The following MSANTD1 variants were observed in gnomAD, a reference collection of about 807,000 sequenced individuals.
MSANTD1 encodes Myb/SANT DNA binding domain containing 1.
Under a neutral mutation model 24.2 loss-of-function variants are expected in MSANTD1, and 7 were observed. The ratio of observed to expected loss-of-function variants is 0.29; its 90% CI spans 0.16 to 0.54. The LOEUF is 0.54. Ranked by LOEUF, MSANTD1 falls within the 20% of genes least tolerant of loss-of-function variation. MSANTD1 has a pLI of 0.94. For missense variants in MSANTD1, 384 were observed against 408.2 expected (o/e 0.94, Z 0.51); for synonymous variants, 177 against 181.1 (o/e 0.98, Z 0.18).
chr4:3,249,492 G>A lies in MSANTD1; in HGVS notation c.270G>A (p.Arg90=). The A allele has an allele frequency of 6.2e-7, 1 of 1,612,074 alleles. No individual in the cohort carries two copies. Among genetic ancestry groups the A allele is most frequent in the Non-Finnish European group, 8.5e-7 (1 of 1,179,678 alleles). The part of the protein sequence containing the change: ...SKLFEMTGER[R]LGEEIKIKIT... ...TCTTCGAGATGACCGGCGAGCGCAGGCTGGGCGAGGAGATCAAGATCAAGA... is the reference window on the plus strand; with the variant it reads ...TCTTCGAGATGACCGGCGAGCGCAGACTGGGCGAGGAGATCAAGATCAAGA... The change falls in exon 1 of 3, where the codon AGG becomes AGA. Residue 90 remains arginine (R), a synonymous_variant. Coordinates refer to ENST00000438480, the MANE Select transcript of MSANTD1 (RefSeq NM_001042690.2).
chr4:3,256,077 C>A lies in MSANTD1; in HGVS notation c.*112C>A. The stretch of plus-strand genomic sequence containing the variant: ...AGGGGGCCGCCCCGCGAGCGGAGAC[C>A]GCCTTCCACCTGGCCTCTGGCAGGA... On this transcript the variant is annotated 3_prime_UTR_variant, in exon 3 of 3. Coordinates refer to ENST00000438480, the MANE Select transcript of MSANTD1 (RefSeq NM_001042690.2). The A allele has an allele frequency of 1.5e-6, 2 of 1,296,126 alleles. No individual in the cohort carries two copies. The highest frequency in any genetic ancestry group is 1.0e-6 in the Non-Finnish European group (1 of 994,054). The allele number at this position is 1,296,126 out of a possible 1,614,324, so 80.3% of individuals were successfully genotyped here.
rs566310367 is a variant in MSANTD1, at chr4:3,251,413, G to A, written c.321-1794G>A. 5.9e-5 allele frequency among the ~76,000 whole-genome samples: 9 copies of A among 152,338 alleles called. No individual in the cohort carries two copies. The East Asian group carries it at 1.5e-3, about 26-fold the overall frequency. ...GAGATGAGGGTGCAGCAGAGTGGGG[G>A]CCTCCACTCCAGACCCTGCAGTCTG... On this transcript the variant is annotated intron_variant, in intron 1 of 2. Coordinates refer to ENST00000438480, the MANE Select transcript of MSANTD1 (RefSeq NM_001042690.2).
intron 1 of MSANTD1, among the ~76,000 whole-genome samples, chr4:3,250,238 T>C (rs953824520): frequency 2.6e-5 from 4 of 152,074 alleles, no homozygotes; most frequent in Admixed American, 6.5e-5. Flanking sequence ...ACTCCCAGCG[T>C]GGGGGCTCCC....
chr4:3,252,123 G>A (rs80313008), intron 1 of MSANTD1, among the ~76,000 whole-genome samples: 342 of 152,358 alleles, frequency 2.2e-3, no homozygotes, highest in Middle Eastern at 6.8e-3. Flanking sequence ...TTTGGAGCCC[G>A]GCCTTGGGGC....
upstream of MSANTD1, chr4:3,246,656 T>C (rs1175131275): frequency 2.4e-5 from 17 of 697,796 alleles, no homozygotes; most frequent in Non-Finnish European, 3.7e-5. Flanking sequence ...CAGCAGGCCA[T>C]GCAGCTTTGC....
At chr4:3,255,372 C>T (rs1275926750) in intron 2 of MSANTD1, among the ~76,000 whole-genome samples, 28 of 152,008 alleles carry the variant, frequency 1.8e-4, no homozygotes, top group African/African-American at 4.8e-5. Context: ...TACAGGCACC[C>T]GCCACAACGC....
chr4:3,255,526 C>T (rs1722358164), intron 2 of MSANTD1, among the ~76,000 whole-genome samples, 199 bp from the exon 3 acceptor site: 1 of 152,188 alleles, frequency 6.6e-6, no homozygotes, highest in Non-Finnish European at 1.5e-5. Context: ...ACCCGGCCAC[C>T]CCTGTTACTT....
intron 2 of MSANTD1, 63 bp from the exon 3 acceptor site, chr4:3,255,662 T>C (rs1722361907): frequency 6.9e-7 from 1 of 1,449,222 alleles, no homozygotes; most frequent in African/African-American, 1.4e-5. Context: ...GAGGGTCCGG[T>C]GAGGCCCCTG....
At chr4:3,254,274 C>T (rs1722319137) in intron 2 of MSANTD1, among the ~76,000 whole-genome samples, 1 of 152,252 alleles carries the variant, frequency 6.6e-6, no homozygotes. Context: ...AGAAAAGTAT[C>T]TTTAGTAGAG....
chr4:3,253,638 C>T (rs1722300700), intron 2 of MSANTD1, among the ~76,000 whole-genome samples, 156 bp downstream of exon 2: 1 of 152,238 alleles, frequency 6.6e-6, no homozygotes, highest in Admixed American at 6.5e-5. Flanking sequence ...GGCCTCAGAC[C>T]AGGGAGGGCT....
upstream of MSANTD1, chr4:3,246,705 G>A (rs943748249): frequency 4.3e-6 from 3 of 690,846 alleles, no homozygotes; most frequent in Admixed American, 2.1e-5. Flanking sequence ...ACAGATGTGG[G>A]GACCCTCCCA....
intron 1 of MSANTD1, among the ~76,000 whole-genome samples, chr4:3,251,516 C>T (rs1469836815): frequency 6.6e-6 from 1 of 152,108 alleles, no homozygotes; most frequent in East Asian, 1.9e-4. Flanking sequence ...CTCAGAGCTG[C>T]CACAGTCAGC....
At chr4:3,252,278 C>T (rs1722252133) in intron 1 of MSANTD1, among the ~76,000 whole-genome samples, 2 of 152,242 alleles carry the variant, frequency 1.3e-5, no homozygotes, top group African/African-American at 4.8e-5. Flanking sequence ...CCATGGGGCC[C>T]TGTGTCTCCT....
chr4:3,249,183 G>A lies in MSANTD1; in HGVS notation c.-40G>A, dbSNP rs966091232. On this transcript the variant is annotated 5_prime_UTR_variant, in exon 1 of 3. Coordinates refer to ENST00000438480, the MANE Select transcript of MSANTD1 (RefSeq NM_001042690.2). The stretch of plus-strand genomic sequence containing the variant: ...CAGATGTAGGCCCCATTTTGAGCGT[G>A]GAGCTGCCTTCGAGCGAGCGTGAGC... The A allele has an allele frequency of 3.8e-6, 5 of 1,330,748 alleles. No individual in the cohort carries two copies. The African/African-American group carries it at 4.6e-5, about 12-fold the overall frequency. 82.4% of individuals were successfully genotyped at this position (1,330,748 alleles called of 1,614,324 possible).
At chr4:3,249,026 C>T (rs949538169), upstream of MSANTD1, 43 of 484,072 alleles carry the variant, frequency 8.9e-5, 1 homozygote, top group South Asian at 1.8e-3. Flanking sequence ...CCCGTCAGTG[C>T]AGCCCTGATT....
intron 1 of MSANTD1, 38 bp downstream of exon 1, chr4:3,249,580 C>T (rs374469591): frequency 2.8e-5 from 44 of 1,559,068 alleles, no homozygotes; most frequent in Admixed American, 1.8e-4. Context: ...CCAGGACGGG[C>T]GGGCCCGGGC....
intron 1 of MSANTD1, among the ~76,000 whole-genome samples, chr4:3,252,029 T>C (rs1289946427): frequency 6.6e-6 from 1 of 152,180 alleles, no homozygotes; most frequent in African/African-American, 2.4e-5. Flanking sequence ...GAATCCAGCT[T>C]ATTGTTTCCA....
intron 1 of MSANTD1, among the ~76,000 whole-genome samples, chr4:3,250,383 C>T (rs1722187075): frequency 6.6e-6 from 1 of 152,204 alleles, no homozygotes; most frequent in Admixed American, 6.5e-5. Context: ...TGGTCCCACA[C>T]ACCCAGCATC....
At chr4:3,250,237 G>C (rs747288006) in intron 1 of MSANTD1, among the ~76,000 whole-genome samples, 1 of 152,218 alleles carries the variant, frequency 6.6e-6, no homozygotes, top group South Asian at 2.1e-4. Flanking sequence ...GACTCCCAGC[G>C]TGGGGGCTCC....
Sources: allele counts gnomAD v4.1 joint callset (sites outside exome capture counted in the v4.1 genomes callset), GRCh38; gene constraint gnomAD v4.1.1; transcripts MANE v1.5; gene names NCBI Gene and HGNC (gene_info 2026-07-23, HGNC 2026-07-21).